The following TIAM1 variants were observed in gnomAD, a reference collection of about 807,000 sequenced individuals.
The protein encoded by TIAM1 is rho guanine nucleotide exchange factor TIAM1.
A neutral mutation model predicts 163.5 loss-of-function variants in TIAM1; 65 were observed. That is an observed-to-expected ratio of 0.40 (90% CI 0.33 to 0.49). The LOEUF is 0.49. Ranked by LOEUF, TIAM1 falls within the 20% of genes least tolerant of loss-of-function variation. TIAM1 has a pLI of 0.77. For missense variants in TIAM1, 1,789 were observed against 2,044.7 expected, an observed-to-expected ratio of 0.87 and a Z score of 2.41; for synonymous variants, 833 against 810.1, an observed-to-expected ratio of 1.03 and a Z score of -0.48.
chr21:31,415,157 C>T (rs577297901), intron 2 of TIAM1, among the ~76,000 whole-genome samples: 5 of 152,198 alleles, frequency 3.3e-5, no homozygotes, highest in African/African-American at 4.8e-5. Context: ...TCTTACCCAA[C>T]GGCCCCAAAG....
chr21:31,297,985 G>A (rs1410634964), intron 2 of TIAM1, among the ~76,000 whole-genome samples: 1 of 152,036 alleles, frequency 6.6e-6, no homozygotes, highest in Non-Finnish European at 1.5e-5. Flanking sequence ...CTATTTGCAG[G>A]GTGCTTCATA....
chr21:31,289,978 A>G (rs1368121827), intron 2 of TIAM1, among the ~76,000 whole-genome samples: 2 of 152,170 alleles, frequency 1.3e-5, no homozygotes, highest in African/African-American at 4.8e-5. Flanking sequence ...CCAGGGCACT[A>G]TGATGCAAAT....
At chr21:31,372,564 G>A (rs959622128) in intron 2 of TIAM1, among the ~76,000 whole-genome samples, 1 of 152,198 alleles carries the variant, frequency 6.6e-6, no homozygotes, top group Non-Finnish European at 1.5e-5. Flanking sequence ...CTGAGACAGT[G>A]GCCACAGAGG....
rs767684828 is a variant in TIAM1 at position 31,266,825 on chromosome 21, T to C, written c.148A>G (p.Arg50Gly). The change falls in exon 4 of 28, where the codon AGG becomes GGG. Residue 50 changes from arginine to glycine, a missense_variant. Transcript: ENST00000541036. ...GATCGGGTGCTCACTTCGGAGTTCC[T>C]GTGGATCACCTTCCCCGAGGAAGCG... ...RHASSGKVIH[R>G]NSEVSTRSSS... The C allele has an allele frequency of 8.7e-6, 14 of 1,614,200 alleles. No homozygotes were observed. The highest frequency in any genetic ancestry group is 6.7e-5 in the Admixed American group (4 of 60,032).
chr21:31,128,627 A>C (rs1425411737), intron 25 of TIAM1, among the ~76,000 whole-genome samples: 4 of 152,230 alleles, frequency 2.6e-5, no homozygotes, highest in Non-Finnish European at 5.9e-5. Flanking sequence ...TTGCTGCCCT[A>C]GACTCACAAC....
At chr21:31,144,830 G>GAAAAAAAAAAAAAA (rs764835303) in intron 20 of TIAM1, among the ~76,000 whole-genome samples, 2 of 74,512 alleles carry the variant, frequency 2.7e-5, no homozygotes, top group African/African-American at 1.1e-4. Context: ...CTCCATCTCA[G>GAAAAAAAAAAAAAA]AAAAAAAAAA....
intron 3 of TIAM1, among the ~76,000 whole-genome samples, chr21:31,275,721 T>C (rs773649527): frequency 2.6e-5 from 4 of 152,174 alleles, no homozygotes; most frequent in Admixed American, 1.3e-4. Flanking sequence ...AACACCGACA[T>C]TGCCTTATAA....
chr21:31,356,269 C>A (rs1158887521), intron 2 of TIAM1, among the ~76,000 whole-genome samples: 2 of 152,138 alleles, frequency 1.3e-5, no homozygotes, highest in Non-Finnish European at 2.9e-5. Flanking sequence ...TAAGGATGTT[C>A]AAGACACTGC....
At chr21:31,175,346 G>C (rs2084710135) in intron 15 of TIAM1, among the ~76,000 whole-genome samples, 1 of 152,170 alleles carries the variant, frequency 6.6e-6, no homozygotes, top group South Asian at 2.1e-4. Flanking sequence ...GACAATCACA[G>C]CACAGCTGTA....
intron 10 of TIAM1, among the ~76,000 whole-genome samples, chr21:31,210,766 GAAAGAAAGAAAGAA>G (rs1249303314): frequency 1.2e-4 from 16 of 135,120 alleles, no homozygotes; most frequent in African/African-American, 5.4e-4. Flanking sequence ...AAGAAAGAAA[GAAAGAAAGAAAGAA>G]AGAAAGAAAG....
chr21:31,522,707 G>A (rs919505605), intron 1 of TIAM1, among the ~76,000 whole-genome samples: 1 of 152,122 alleles, frequency 6.6e-6, no homozygotes, highest in Non-Finnish European at 1.5e-5. Context: ...CACAACACTT[G>A]TAAGGCCCAT....
intron 2 of TIAM1, among the ~76,000 whole-genome samples, chr21:31,422,883 G>C (rs1026491642): frequency 1.3e-5 from 2 of 152,066 alleles, no homozygotes; most frequent in Admixed American, 6.5e-5. Flanking sequence ...ATGCTTAAGG[G>C]AGAATCATCC....
At chr21:31,551,128 C>A (rs964970717) in intron 1 of TIAM1, among the ~76,000 whole-genome samples, 7 of 152,092 alleles carry the variant, frequency 4.6e-5, no homozygotes, top group African/African-American at 7.2e-5. Flanking sequence ...GCAAGAGAAT[C>A]GCTTGAACCT....
chr21:31,267,773 CAGTAGATTAATGGGTTTATT>C (rs2072866736), intron 3 of TIAM1, among the ~76,000 whole-genome samples: 1 of 152,170 alleles, frequency 6.6e-6, no homozygotes, highest in Non-Finnish European at 1.5e-5. Flanking sequence ...CTCTGCTTAG[CAGTAGATTAATGGGTTTATT>C]TCTGGGAGCA....
intron 1 of TIAM1, among the ~76,000 whole-genome samples, chr21:31,342,498 C>G (rs1461813491): frequency 1.3e-5 from 2 of 152,162 alleles, no homozygotes; most frequent in Non-Finnish European, 2.9e-5. Flanking sequence ...ATCTAAAAAC[C>G]TTTGCTCTAT....
intron 2 of TIAM1, among the ~76,000 whole-genome samples, chr21:31,443,386 A>G (rs2044507000): frequency 6.6e-6 from 1 of 152,238 alleles, no homozygotes; most frequent in Admixed American, 6.5e-5. Flanking sequence ...CCCAGAGTCT[A>G]TGGACCACGC....
chr21:31,148,724 T>C (rs1235384707), intron 19 of TIAM1, among the ~76,000 whole-genome samples: 1 of 152,170 alleles, frequency 6.6e-6, no homozygotes, highest in African/African-American at 2.4e-5. Context: ...AAATTGATTC[T>C]CAGGGAACAA....
chr21:31,152,021 CTTTTTTTTT>C (rs754817467), intron 19 of TIAM1, among the ~76,000 whole-genome samples: 1 of 112,302 alleles, frequency 8.9e-6, no homozygotes, highest in Admixed American at 1.1e-4. Flanking sequence ...CCAGAAGTGC[CTTTTTTTTT>C]TTTTTTTTTT....
At chr21:31,124,339 T>G in intron 27 of TIAM1, 183 bp downstream of exon 27, 1 of 702,188 alleles carries the variant, frequency 1.4e-6, no homozygotes, top group Non-Finnish European at 2.1e-6. Flanking sequence ...ACAGGGCGGA[T>G]CCCCAGGAGC....
Sources: gnomAD v4.1 joint callset for allele counts (sites outside exome capture counted in the v4.1 genomes callset) on GRCh38, gnomAD v4.1.1 for gene constraint, MANE v1.5 for transcripts, NCBI Gene and HGNC (gene_info 2026-07-23, HGNC 2026-07-21) for gene names.